AP4E1: variants seen among roughly 807,000 people sequenced by gnomAD.
The protein encoded by AP4E1 is AP-4 complex subunit epsilon-1.
AP4E1 carries 56 observed loss-of-function variants against 128.2 expected under a neutral mutation model. The observed-to-expected ratio is 0.44, with a 90% CI of 0.35 to 0.55. The LOEUF is 0.55. Ranked by LOEUF, AP4E1 falls within the 20% of genes least tolerant of loss-of-function variation. The pLI is 0.00. For synonymous variants in AP4E1, 484 were observed against 473.1 expected, an observed-to-expected ratio of 1.02 and a Z score of -0.30; for missense variants, 1,324 against 1,307.7, an observed-to-expected ratio of 1.01 and a Z score of -0.19.
At chr15:50,944,486 CAGGG>C (rs2064030428) in intron 10 of AP4E1, among the ~76,000 whole-genome samples, 2 of 152,002 alleles carry the variant, frequency 1.3e-5, no homozygotes, top group African/African-American at 4.8e-5. Flanking sequence ...TTGGAGTTCA[CAGGG>C]AGCATGTCTG....
chr15:50,968,143 G>A (rs1025213015), intron 14 of AP4E1, 120 bp from the exon 15 acceptor site: 4 of 733,236 alleles, frequency 5.5e-6, no homozygotes, highest in Admixed American at 5.2e-5. Flanking sequence ...TAGAACTGAA[G>A]TTTTCATTTC....
chr15:50,915,771 A>C, intron 3 of AP4E1, 200 bp downstream of exon 3: 1 of 622,698 alleles, frequency 1.6e-6, no homozygotes, highest in Non-Finnish European at 2.7e-6. Flanking sequence ...TTTTGGAGTT[A>C]AAGAGAAGAC....
chr15:50,989,355 T>G lies in AP4E1; in HGVS notation c.2091-4015T>G, dbSNP rs2064772818. Among the ~76,000 whole-genome samples, 3 of 152,262 alleles carry G rather than the reference T, an allele frequency of 2.0e-5. No individual in the cohort carries two copies. In the South Asian group the frequency reaches 6.2e-4, roughly 31 times the overall value. ...AGAAATCAGTCATCTTATTTTATGT[T>G]CATCCTTACATTTGTCTGTTGTTCA... is the stretch of plus-strand genomic sequence containing the variant. On this transcript the variant is annotated intron_variant, in intron 16 of 20. Transcript: ENST00000261842.
chr15:50,944,916 G>C (rs909186074), intron 10 of AP4E1: 8 of 801,542 alleles, frequency 1.0e-5, no homozygotes, highest in African/African-American at 1.7e-5. Context: ...CCTTTCTGGG[G>C]CGTGTGATGG....
At chr15:50,981,668 G>A (rs1353040743) in intron 15 of AP4E1, among the ~76,000 whole-genome samples, 2 of 152,234 alleles carry the variant, frequency 1.3e-5, no homozygotes, top group African/African-American at 4.8e-5. Flanking sequence ...CAAAGTTCAT[G>A]TGTTGGAAAC....
chr15:50,930,239 G>T (rs1291212187), intron 6 of AP4E1, among the ~76,000 whole-genome samples: 10 of 136,556 alleles, frequency 7.3e-5, no homozygotes, highest in African/African-American at 2.8e-4. Context: ...GGCTTATTTG[G>T]TATTTTTAGT....
intron 6 of AP4E1, 61 bp from the exon 7 acceptor site, chr15:50,930,744 T>G: frequency 6.6e-7 from 1 of 1,519,564 alleles, no homozygotes; most frequent in Non-Finnish European, 9.1e-7. Flanking sequence ...GACATTTCAA[T>G]TAGGTCTATT....
At chr15:50,994,505 C>A (rs2064845090) in intron 17 of AP4E1, among the ~76,000 whole-genome samples, 1 of 152,144 alleles carries the variant, frequency 6.6e-6, no homozygotes, top group African/African-American at 2.4e-5. Context: ...ACTCACCAGT[C>A]TAGATCCCAT....
At chr15:50,909,932 G>A (rs766525057) in intron 1 of AP4E1, among the ~76,000 whole-genome samples, 2 of 151,916 alleles carry the variant, frequency 1.3e-5, no homozygotes, top group Middle Eastern at 3.4e-3. Flanking sequence ...CGATCCGCCC[G>A]CCTTGGCGTC....
At chr15:50,934,314 T>G (rs1009766798) in intron 7 of AP4E1, among the ~76,000 whole-genome samples, 1 of 152,070 alleles carries the variant, frequency 6.6e-6, no homozygotes, top group African/African-American at 2.4e-5. Flanking sequence ...AATATTCTAT[T>G]GAAAGAAAAT....
At chr15:50,966,725 C>T (rs577295668) in intron 14 of AP4E1, among the ~76,000 whole-genome samples, 6 of 152,004 alleles carry the variant, frequency 3.9e-5, no homozygotes, top group South Asian at 4.2e-4. Context: ...TTAGTAGAGA[C>T]GAGGTTTCAC....
intron 1 of AP4E1, among the ~76,000 whole-genome samples, chr15:50,911,801 A>AG (rs2063570304): frequency 6.6e-6 from 1 of 152,140 alleles, no homozygotes; most frequent in South Asian, 2.1e-4. Flanking sequence ...TTAAAAAAAA[A>AG]CATTTTCTGC....
intron 14 of AP4E1, among the ~76,000 whole-genome samples, chr15:50,961,171 A>C (rs1434245293): frequency 6.6e-6 from 1 of 152,102 alleles, no homozygotes; most frequent in Non-Finnish European, 1.5e-5. Context: ...GAATTCTGGC[A>C]AATTTATAAA....
chr15:50,977,259 G>A (rs1045144718), intron 15 of AP4E1, among the ~76,000 whole-genome samples: 1 of 152,106 alleles, frequency 6.6e-6, no homozygotes, highest in Non-Finnish European at 1.5e-5. Context: ...GTCAAGGGTT[G>A]GATAGGGAAG....
rs547556258 is a variant in AP4E1 at position 50,991,326 on chromosome 15, C to A, written c.2091-2044C>A. Among the ~76,000 whole-genome samples, 6 of 152,208 alleles carry A rather than the reference C, an allele frequency of 3.9e-5. No homozygotes were observed. The South Asian group carries it at 1.2e-3, about 32-fold the overall frequency. ...ATCATGGATTAGTAAAATTTAGGGA[C>A]TTGTTCTCTCTTTTTTTGTAAATAA... On this transcript the variant is annotated intron_variant, in intron 16 of 20. Coordinates refer to ENST00000261842, the MANE Select transcript of AP4E1 (RefSeq NM_007347.5).
At chr15:50,979,974 A>G (rs2140909649) in intron 15 of AP4E1, among the ~76,000 whole-genome samples, 1 of 152,332 alleles carries the variant, frequency 6.6e-6, no homozygotes, top group South Asian at 2.1e-4. Context: ...AGAGCAGAAG[A>G]ATTTAAAGAA....
At chr15:50,908,663 T>A, upstream of AP4E1, 4 of 1,260,492 alleles carry the variant, frequency 3.2e-6, no homozygotes, top group Non-Finnish European at 4.1e-6. Context: ...CAATAAAGAT[T>A]TCTTATTCAA....
At chr15:50,927,602 G>A (rs2063784514) in intron 5 of AP4E1, among the ~76,000 whole-genome samples, 1 of 150,480 alleles carries the variant, frequency 6.6e-6, no homozygotes, top group African/African-American at 2.5e-5. Context: ...ACACTGTGAC[G>A]TGGCTTGCAT....
Position 50,997,411 on chromosome 15 carries a change from A to T in AP4E1, c.2432A>T (p.His811Leu), listed in dbSNP as rs1472535930. Residue 811 changes from histidine (H) to leucine (L), a missense_variant, in exon 18 of 21, where the codon CAT becomes CTT. Physicochemically the swap from His to Leu is moderately conservative, Grantham distance 99. Coordinates refer to ENST00000261842, the MANE Select transcript of AP4E1 (RefSeq NM_007347.5). ...AAAAGTGGCGAAACAACCAGTACTC[A>T]TAATATGACCTGTTCTTCCTTTAGT... Reference protein sequence around the residue: ...EAKSGETTSTHNMTCSSFSSL... With the variant: ...EAKSGETTSTLNMTCSSFSSL... The T allele has an allele frequency of 1.2e-6, 2 of 1,612,802 alleles. No homozygotes were observed. The highest frequency in any genetic ancestry group is 1.7e-6 in the Non-Finnish European group (2 of 1,179,492).
Sources: allele counts gnomAD v4.1 joint callset (sites outside exome capture counted in the v4.1 genomes callset), GRCh38; gene constraint gnomAD v4.1.1; transcripts MANE v1.5; gene names NCBI Gene and HGNC (gene_info 2026-07-23, HGNC 2026-07-21).